CCDC170: variants seen among roughly 807,000 people sequenced by gnomAD.
CCDC170 encodes the protein coiled-coil domain containing 170.
Under a neutral mutation model 72.6 loss-of-function variants are expected in CCDC170, and 69 were observed. The observed-to-expected ratio is 0.95, with a 90% CI of 0.78 to 1.16. CCDC170 has a LOEUF of 1.16. Ranked by LOEUF, CCDC170 falls within the 50% of genes most tolerant of loss-of-function variation. The pLI is 0.00. For missense variants in CCDC170, 852 were observed against 832.5 expected (o/e 1.02, Z -0.29); for synonymous variants, 300 against 303.9 (o/e 0.99, Z 0.13).
intron 7 of CCDC170, among the ~76,000 whole-genome samples, chr6:151,590,457 C>T (rs74394257): frequency 0.016 from 2,430 of 152,198 alleles, 76 homozygotes; most frequent in African/African-American, 0.056. Context: ...TAACTCTGTC[C>T]GTCGTGAATT....
At chr6:151,552,549 T>C (rs1204811467) in intron 5 of CCDC170, among the ~76,000 whole-genome samples, 1 of 152,188 alleles carries the variant, frequency 6.6e-6, no homozygotes, top group Non-Finnish European at 1.5e-5. Flanking sequence ...TTCAATTCTA[T>C]GGACACATGG....
At chr6:151,522,333 C>A (rs1782332253) in intron 1 of CCDC170, among the ~76,000 whole-genome samples, 1 of 152,086 alleles carries the variant, frequency 6.6e-6, no homozygotes, top group Non-Finnish European at 1.5e-5. Context: ...GATATGAGTT[C>A]TCAATTTCTT....
chr6:151,540,373 C>CTTTTTTTT (rs779650559), intron 3 of CCDC170, among the ~76,000 whole-genome samples: 2,001 of 37,996 alleles, frequency 0.053, 668 homozygotes, highest in Middle Eastern at 0.12. Flanking sequence ...TCTGCTGCTG[C>CTTTTTTTT]TTTTTTTTTT....
intron 1 of CCDC170, among the ~76,000 whole-genome samples, chr6:151,527,811 A>C (rs1342382443): frequency 6.6e-6 from 1 of 152,116 alleles, no homozygotes; most frequent in Non-Finnish European, 1.5e-5. Context: ...TGGGACAAAG[A>C]GTAGATTGGT....
chr6:151,563,410 G>A (rs78872884), intron 5 of CCDC170, among the ~76,000 whole-genome samples: 1 of 152,138 alleles, frequency 6.6e-6, no homozygotes, highest in Non-Finnish European at 1.5e-5. Context: ...GGACTTGGTG[G>A]GCTGTGCTCC....
intron 5 of CCDC170, among the ~76,000 whole-genome samples, chr6:151,563,023 C>T (rs544468697): frequency 1.1e-3 from 174 of 152,314 alleles, no homozygotes; most frequent in African/African-American, 3.9e-3. Context: ...CACCAGTATG[C>T]CCCTCTGATG....
chr6:151,606,766 T>A (rs1041738473), intron 9 of CCDC170, among the ~76,000 whole-genome samples: 1 of 152,242 alleles, frequency 6.6e-6, no homozygotes, highest in East Asian at 1.9e-4. Context: ...TCTCTTGTTA[T>A]CTCTAACAAT....
chr6:151,561,457 A>G (rs1039182218), intron 5 of CCDC170, among the ~76,000 whole-genome samples: 5 of 151,942 alleles, frequency 3.3e-5, no homozygotes, highest in Admixed American at 1.3e-4. Flanking sequence ...GAAAGACTAT[A>G]TTTCTCCATT....
At chr6:151,610,778 CT>C (rs1420634683) in intron 9 of CCDC170, among the ~76,000 whole-genome samples, 1 of 152,218 alleles carries the variant, frequency 6.6e-6, no homozygotes, top group Admixed American at 6.5e-5. Context: ...GCCTGCTCTA[CT>C]GGTGATATTT....
intron 1 of CCDC170, among the ~76,000 whole-genome samples, chr6:151,510,194 G>A (rs529552503): frequency 1.1e-4 from 17 of 152,274 alleles, no homozygotes; most frequent in Non-Finnish European, 1.6e-4. Flanking sequence ...GGGCTTTGGC[G>A]TCAGAAAGTC....
chr6:151,531,288 G>A (rs183108131), intron 1 of CCDC170, among the ~76,000 whole-genome samples: 300 of 152,258 alleles, frequency 2.0e-3, no homozygotes, highest in African/African-American at 6.8e-3. Flanking sequence ...ATTTAAGATA[G>A]ACTTAAAGCA....
At chr6:151,515,222 G>T (rs1309990109) in intron 1 of CCDC170, among the ~76,000 whole-genome samples, 3 of 152,208 alleles carry the variant, frequency 2.0e-5, no homozygotes, top group Non-Finnish European at 4.4e-5. Flanking sequence ...CCTGTTTTAG[G>T]CATTGGCATT....
intron 9 of CCDC170, among the ~76,000 whole-genome samples, chr6:151,601,174 G>A (rs944278923): frequency 1.3e-5 from 2 of 152,172 alleles, no homozygotes; most frequent in Non-Finnish European, 2.9e-5. Context: ...GGTGGCAAGA[G>A]AGAATGAGAG....
At chr6:151,553,758 A>T (rs1782925003) in intron 5 of CCDC170, among the ~76,000 whole-genome samples, 1 of 152,160 alleles carries the variant, frequency 6.6e-6, no homozygotes. Flanking sequence ...TGGGCAATAA[A>T]AAAACTTGAG....
intron 5 of CCDC170, among the ~76,000 whole-genome samples, chr6:151,572,649 G>GTGTTTTTTTTTTTTTTTTTT (rs1776234883): frequency 2.6e-5 from 1 of 37,988 alleles, no homozygotes; most frequent in African/African-American, 1.2e-4. Flanking sequence ...CCTTCTCTGT[G>GTGTTTTTTTTTTTTTTTTTT]TTTTTTTTTT....
intron 5 of CCDC170, among the ~76,000 whole-genome samples, chr6:151,567,614 T>C (rs1160761470): frequency 6.6e-6 from 1 of 152,228 alleles, no homozygotes; most frequent in Non-Finnish European, 1.5e-5. Flanking sequence ...GGTATAGTTA[T>C]GTTTAAATAT....
chr6:151,557,272 G>T (rs1459284585), intron 5 of CCDC170, among the ~76,000 whole-genome samples: 1 of 152,056 alleles, frequency 6.6e-6, no homozygotes, highest in Admixed American at 6.5e-5. Context: ...AGCCGGGTGT[G>T]GTGGTGCACG....
intron 6 of CCDC170, among the ~76,000 whole-genome samples, chr6:151,580,453 C>T (rs146806800): frequency 3.7e-4 from 56 of 151,946 alleles, no homozygotes; most frequent in Non-Finnish European, 6.5e-4. Context: ...GTTTCTCTTG[C>T]GTTAAGATCA....
chr6:151,523,989 C>T (rs1207096760), intron 1 of CCDC170, among the ~76,000 whole-genome samples: 1 of 152,136 alleles, frequency 6.6e-6, no homozygotes, highest in African/African-American at 2.4e-5. Flanking sequence ...AAGCTCACTG[C>T]AGGGGAGAGG....
Sources: allele counts gnomAD v4.1 joint callset (sites outside exome capture counted in the v4.1 genomes callset), GRCh38; gene constraint gnomAD v4.1.1; transcripts MANE v1.5; gene names NCBI Gene and HGNC (gene_info 2026-07-23, HGNC 2026-07-21).